Variants in RBFOX1 observed in about 807,000 individuals in gnomAD.
RBFOX1 encodes RNA binding protein fox-1 homolog 1.
RBFOX1 carries 8 observed loss-of-function variants against 57.7 expected under a neutral mutation model. The observed-to-expected ratio is 0.14, with a 90% confidence interval of 0.08 to 0.25. The LOEUF is 0.25. RBFOX1 is among the 10% of genes least tolerant of loss of function. The pLI, the probability that RBFOX1 is intolerant of heterozygous loss-of-function variation, is 1.00. For missense variants in RBFOX1, 611 were observed against 548.5 expected, an observed-to-expected ratio of 1.11 and a Z score of -1.14; for synonymous variants, 326 against 222.4, an observed-to-expected ratio of 1.47 and a Z score of -4.15.
chr16:6,130,175 A>G (rs1044758327), intron 1 of RBFOX1, among the ~76,000 whole-genome samples: 2 of 152,098 alleles, frequency 1.3e-5, no homozygotes. Flanking sequence ...GGGAAAACAG[A>G]TAGTTTACAA....
chr16:6,871,078 A>C (rs923815545), intron 3 of RBFOX1, among the ~76,000 whole-genome samples: 1 of 152,240 alleles, frequency 6.6e-6, no homozygotes, highest in African/African-American at 2.4e-5. Context: ...AGGAATGGAC[A>C]AGATGACTTA....
At position 6,622,246 on chromosome 16, in the gene RBFOX1, T is replaced by A. The variant is rs77707853; in HGVS notation, c.-63-32357T>A. 1.7e-3 allele frequency among the ~76,000 whole-genome samples: 252 copies of A among 152,350 alleles called. 1 individual carries two copies. The highest frequency in any genetic ancestry group is 4.7e-3 in the Admixed American group (72 of 15,308). On this transcript the variant is annotated intron_variant, in intron 2 of 15. Transcript: ENST00000550418. ...TAGTTCTGCACCACATAATGACGTT[T>A]CAGTCAACAGCAGACTACATATATG... is the stretch of plus-strand genomic sequence containing the variant.
At chr16:7,031,276 C>A (rs138157446) in intron 3 of RBFOX1, among the ~76,000 whole-genome samples, 1 of 152,054 alleles carries the variant, frequency 6.6e-6, no homozygotes, top group East Asian at 1.9e-4. Context: ...GGTTGTTTAA[C>A]CTTTGTGACT....
chr16:6,485,514 C>T (rs550175430), intron 2 of RBFOX1, among the ~76,000 whole-genome samples: 3 of 151,468 alleles, frequency 2.0e-5, no homozygotes, highest in East Asian at 1.9e-4. Context: ...ATGTTTTGCA[C>T]GCTGGAGGAT....
intron 1 of RBFOX1, among the ~76,000 whole-genome samples, chr16:5,397,017 G>T (rs1336437816): frequency 6.6e-6 from 1 of 152,160 alleles, no homozygotes; most frequent in Non-Finnish European, 1.5e-5. Context: ...AGGTTGTCTG[G>T]CTTATAGGGG....
Position 7,016,946 on chromosome 16 carries a change from T to A in RBFOX1, c.-15-35111T>A, listed in dbSNP as rs373468235. Among the ~76,000 whole-genome samples, 252 of 152,274 alleles carry A rather than the reference T, an allele frequency of 1.7e-3. 1 individual carries two copies. Among genetic ancestry groups the A allele is most frequent in the African/African-American group, 5.8e-3 (240 of 41,578 alleles). The stretch of plus-strand genomic sequence containing the variant: ...GGCATTTTGGTAAATTTGTTTCATG[T>A]TTTTGTCCCATCAGTAGTAAAGGTT... On this transcript the variant is annotated intron_variant, in intron 3 of 15. Transcript: ENST00000550418.
At chr16:5,669,422 C>CTT (rs34318850) in intron 3 of RBFOX1, among the ~76,000 whole-genome samples, 72,700 of 118,316 alleles carry the variant, frequency 0.61, 23,538 homozygotes, top group Non-Finnish European at 0.71. Flanking sequence ...AACAAGTTGG[C>CTT]TTTTTTTTTT....
At chr16:7,142,312 C>T (rs1207481790) in intron 4 of RBFOX1, among the ~76,000 whole-genome samples, 1 of 152,136 alleles carries the variant, frequency 6.6e-6, no homozygotes, top group Non-Finnish European at 1.5e-5. Flanking sequence ...ACATGAGCCA[C>T]CACACCTAGC....
chr16:5,743,241 C>T (rs555120342), intron 3 of RBFOX1, among the ~76,000 whole-genome samples: 2 of 152,246 alleles, frequency 1.3e-5, no homozygotes, highest in African/African-American at 4.8e-5. Context: ...CTACTCACAT[C>T]CCAGGGGTAA....
intron 4 of RBFOX1, among the ~76,000 whole-genome samples, chr16:7,059,673 C>T (rs954087680): frequency 2.6e-5 from 4 of 152,176 alleles, no homozygotes; most frequent in Non-Finnish European, 5.9e-5. Flanking sequence ...TACATACTGT[C>T]CCATCTCTTT....
At chr16:5,451,740 A>G (rs1043720023) in intron 1 of RBFOX1, among the ~76,000 whole-genome samples, 3 of 152,158 alleles carry the variant, frequency 2.0e-5, no homozygotes, top group Admixed American at 2.0e-4. Flanking sequence ...GGTTCCACAT[A>G]CGGATACCTC....
chr16:7,496,609 C>T (rs2068720976), intron 4 of RBFOX1, among the ~76,000 whole-genome samples: 1 of 151,998 alleles, frequency 6.6e-6, no homozygotes, highest in Non-Finnish European at 1.5e-5. Flanking sequence ...TGTTCAAGTA[C>T]TTGTCCACAT....
chr16:5,418,617 C>T (rs1028045288), intron 1 of RBFOX1, among the ~76,000 whole-genome samples: 1 of 152,066 alleles, frequency 6.6e-6, no homozygotes, highest in African/African-American at 2.4e-5. Context: ...ACGAAGATGA[C>T]TTCCTAACCA....
chr16:6,164,085 C>T (rs1002770560), intron 1 of RBFOX1, among the ~76,000 whole-genome samples: 14 of 152,130 alleles, frequency 9.2e-5, no homozygotes, highest in South Asian at 2.1e-4. Flanking sequence ...TTAGTCCTCA[C>T]GCTGTACTCA....
chr16:5,912,905 C>A (rs897234355), intron 4 of RBFOX1, among the ~76,000 whole-genome samples: 1 of 152,114 alleles, frequency 6.6e-6, no homozygotes, highest in Non-Finnish European at 1.5e-5. Context: ...GTTCTGGCCT[C>A]CAGACCCAAG....
rs147507319 is a variant in RBFOX1 at position 6,864,623 on chromosome 16, C to G, written c.-15-187434C>G. ...TGTCAACGGCAGGATATTTGAGAAT[C>G]AAGGATCTGATTCAAATGTTTTATT... On this transcript the variant is annotated intron_variant, in intron 3 of 15. Coordinates refer to ENST00000550418, the MANE Select transcript of RBFOX1 (RefSeq NM_018723.4). Among the ~76,000 whole-genome samples the G allele has an allele frequency of 2.5e-3, 369 of 150,414 alleles. 4 individuals are homozygous for G. The highest frequency in any genetic ancestry group is 8.6e-3 in the African/African-American group (351 of 40,894).
At chr16:7,229,555 GAA>G in intron 4 of RBFOX1, among the ~76,000 whole-genome samples, 1 of 144,466 alleles carries the variant, frequency 6.9e-6, no homozygotes, top group Non-Finnish European at 1.5e-5. Context: ...AGAGAGAGAG[GAA>G]GGAAGGGAGG....
At chr16:6,756,576 A>G (rs143970906) in intron 3 of RBFOX1, among the ~76,000 whole-genome samples, 1 of 152,324 alleles carries the variant, frequency 6.6e-6, no homozygotes, top group Non-Finnish European at 1.5e-5. Context: ...GTCAACTCAT[A>G]TCCAGAATAT....
At chr16:5,290,326 C>A (rs1243414176) in intron 1 of RBFOX1, among the ~76,000 whole-genome samples, 2 of 152,130 alleles carry the variant, frequency 1.3e-5, no homozygotes, top group East Asian at 3.9e-4. Flanking sequence ...TGTGCCACTG[C>A]ACTCCAGCCT....
Sources: allele counts gnomAD v4.1 joint callset (sites outside exome capture counted in the v4.1 genomes callset), GRCh38; gene constraint gnomAD v4.1.1; transcripts MANE v1.5; gene names NCBI Gene and HGNC (gene_info 2026-07-23, HGNC 2026-07-21).